The following LSAMP variants were observed in gnomAD, a reference collection of about 807,000 sequenced individuals.
LSAMP encodes limbic system-associated membrane protein.
A neutral mutation model predicts 38.6 loss-of-function variants in LSAMP; 7 were observed. The ratio of observed to expected loss-of-function variants is 0.18; its 90% CI spans 0.10 to 0.34. LSAMP has a LOEUF of 0.34. Ranked by LOEUF, LSAMP falls within the 10% of genes least tolerant of loss-of-function variation. The pLI, the probability that LSAMP is intolerant of heterozygous loss-of-function variation, is 1.00. For synonymous variants in LSAMP, 154 were observed against 166.8 expected (o/e 0.92, Z 0.59); for missense variants, 313 against 420.0 (o/e 0.75, Z 2.23).
chr3:116,331,154 T>A (rs573015060), intron 1 of LSAMP, among the ~76,000 whole-genome samples: 1 of 152,130 alleles, frequency 6.6e-6, no homozygotes, highest in African/African-American at 2.4e-5. Flanking sequence ...TGACCAGTTA[T>A]AAAAGGAGAA....
chr3:116,064,636 A>G (rs1941651954), intron 2 of LSAMP, among the ~76,000 whole-genome samples: 1 of 152,378 alleles, frequency 6.6e-6, no homozygotes, highest in East Asian at 1.9e-4. Context: ...AAATGAAAAC[A>G]ACAATAATAC....
At chr3:116,290,334 T>C (rs1361150039) in intron 1 of LSAMP, among the ~76,000 whole-genome samples, 1 of 152,200 alleles carries the variant, frequency 6.6e-6, no homozygotes, top group Non-Finnish European at 1.5e-5. Context: ...TCACTCCTTA[T>C]GTTGTAACAC....
intron 1 of LSAMP, among the ~76,000 whole-genome samples, chr3:116,196,324 GATTA>G (rs978088783): frequency 2.6e-5 from 4 of 152,078 alleles, no homozygotes; most frequent in African/African-American, 9.7e-5. Flanking sequence ...TTGATGATAA[GATTA>G]ATTATTTTAT....
At chr3:116,293,762 T>C (rs2047296642) in intron 1 of LSAMP, among the ~76,000 whole-genome samples, 1 of 152,122 alleles carries the variant, frequency 6.6e-6, no homozygotes, top group Non-Finnish European at 1.5e-5. Flanking sequence ...GAACTGAAAC[T>C]GTTAAAAGTG....
At chr3:116,367,202 A>C (rs933083039) in intron 1 of LSAMP, among the ~76,000 whole-genome samples, 1 of 152,202 alleles carries the variant, frequency 6.6e-6, no homozygotes, top group Non-Finnish European at 1.5e-5. Context: ...GAGGCATTAC[A>C]TGAAAGAAAT....
chr3:116,148,265 T>C (rs1263342608), intron 1 of LSAMP, among the ~76,000 whole-genome samples: 1 of 151,986 alleles, frequency 6.6e-6, no homozygotes, highest in Non-Finnish European at 1.5e-5. Flanking sequence ...AAATTAATCA[T>C]TTAGTGGATG....
intron 1 of LSAMP, among the ~76,000 whole-genome samples, chr3:116,155,978 G>T (rs952204942): frequency 6.6e-6 from 1 of 152,176 alleles, no homozygotes; most frequent in South Asian, 2.1e-4. Flanking sequence ...TTCCCTGGTT[G>T]CTTCAGGAAC....
intron 1 of LSAMP, among the ~76,000 whole-genome samples, chr3:116,194,620 T>C (rs183433031): frequency 6.6e-6 from 1 of 152,264 alleles, no homozygotes; most frequent in Admixed American, 6.5e-5. Flanking sequence ...ATGGTCTCCA[T>C]CTCTTGACGT....
chr3:116,096,024 G>A (rs1008697119), intron 1 of LSAMP, among the ~76,000 whole-genome samples: 3 of 152,102 alleles, frequency 2.0e-5, no homozygotes, highest in Admixed American at 2.0e-4. Flanking sequence ...TATCCTCTCT[G>A]TGCATGTGTT....
chr3:116,235,809 T>G (rs1297960187), intron 1 of LSAMP, among the ~76,000 whole-genome samples: 1 of 152,186 alleles, frequency 6.6e-6, no homozygotes, highest in South Asian at 2.1e-4. Context: ...TTCTTACTTT[T>G]GAAATAAATA....
chr3:115,871,690 A>G (rs1936043973), intron 3 of LSAMP, among the ~76,000 whole-genome samples: 2 of 151,668 alleles, frequency 1.3e-5, no homozygotes. Context: ...ACTCGTTGAC[A>G]TTTTTTTCTA....
At chr3:116,444,739 C>T in intron 1 of LSAMP, 138 bp downstream of exon 1, 1 of 1,115,222 alleles carries the variant, frequency 9.0e-7, no homozygotes, top group Non-Finnish European at 1.3e-6. Flanking sequence ...ACCACACACA[C>T]ACACACCACA....
chr3:115,880,184 T>C (rs190347860), intron 3 of LSAMP, among the ~76,000 whole-genome samples: 1 of 152,202 alleles, frequency 6.6e-6, no homozygotes, highest in African/African-American at 2.4e-5. Context: ...ACACACTGAT[T>C]GATCCAAGAG....
intron 1 of LSAMP, among the ~76,000 whole-genome samples, chr3:116,331,039 CA>C (rs1256461294): frequency 2.0e-5 from 3 of 151,716 alleles, no homozygotes; most frequent in African/African-American, 7.3e-5. Context: ...TATGTATGAA[CA>C]AAGTATAAAT....
At chr3:115,979,350 T>C (rs1216091392) in intron 3 of LSAMP, among the ~76,000 whole-genome samples, 1 of 152,116 alleles carries the variant, frequency 6.6e-6, no homozygotes, top group African/African-American at 2.4e-5. Context: ...CTCTAGTTTA[T>C]ATGGAAGGAC....
intron 1 of LSAMP, among the ~76,000 whole-genome samples, chr3:116,151,093 T>G (rs1709599644): frequency 6.6e-6 from 1 of 152,026 alleles, no homozygotes. Context: ...ACAGCCCATT[T>G]TAAACCCTAT....
chr3:116,123,233 G>A (rs1708923336), intron 1 of LSAMP, among the ~76,000 whole-genome samples: 2 of 152,172 alleles, frequency 1.3e-5, no homozygotes, highest in Non-Finnish European at 2.9e-5. Context: ...ATCTGGGTAT[G>A]TGTGATCTGT....
chr3:116,178,879 C>G (rs1446225150), intron 1 of LSAMP, among the ~76,000 whole-genome samples: 1 of 152,172 alleles, frequency 6.6e-6, no homozygotes, highest in African/African-American at 2.4e-5. Flanking sequence ...GCTATATGAT[C>G]TCACTGTCTT....
rs1182024413 is a variant in LSAMP at position 115,854,279 on chromosome 3, A to ATTT, written c.515-1663_515-1662insAAA. Among the ~76,000 whole-genome samples the ATTT allele has an allele frequency of 3.0e-3, 353 of 116,328 alleles. 3 individuals carry two copies. Among genetic ancestry groups the ATTT allele is most frequent in the East Asian group, 9.8e-3 (41 of 4,166 alleles). 76.3% of individuals were successfully genotyped at this position (116,328 alleles called of 152,430 possible). A position where few individuals can be genotyped will look rare whatever the true frequency, so the allele number is the denominator to read the frequency against. ...TATTATTATTATTATTATTATTATT[A>ATTT]TTATTTTTTTTTTTTTTTTTTGAGA... is the stretch of plus-strand genomic sequence containing the variant. On this transcript the variant is annotated intron_variant, in intron 3 of 6. Coordinates refer to ENST00000490035, the MANE Select transcript of LSAMP (RefSeq NM_002338.5).
Sources: gnomAD v4.1 joint callset for allele counts (sites outside exome capture counted in the v4.1 genomes callset) on GRCh38, gnomAD v4.1.1 for gene constraint, MANE v1.5 for transcripts, NCBI Gene and HGNC (gene_info 2026-07-23, HGNC 2026-07-21) for gene names.